Variants in TEK observed in about 807,000 individuals in gnomAD.
TEK encodes the protein TEK receptor tyrosine kinase.
In TEK, 43 loss-of-function variants were observed where a neutral mutation model predicts 131.8. That is an observed-to-expected ratio of 0.33 (90% CI 0.26 to 0.42). The LOEUF (loss-of-function observed/expected upper bound fraction) is 0.42. Ranked by LOEUF, TEK falls within the 10% of genes least tolerant of loss-of-function variation. The pLI, the probability that TEK is intolerant of heterozygous loss-of-function variation, is 1.00. For synonymous variants in TEK, 580 were observed against 491.6 expected (o/e 1.18, Z -2.38); for missense variants, 1,162 against 1,384.4 (o/e 0.84, Z 2.55).
chr9:27,213,433 C>G (rs767747959), intron 17 of TEK, 51 bp from the exon 18 acceptor site: 1 of 1,382,548 alleles, frequency 7.2e-7, no homozygotes. Flanking sequence ...AAGTTTTCAG[C>G]CCTGGGGCTT....
intron 21 of TEK, among the ~76,000 whole-genome samples, chr9:27,220,772 T>G (rs1826032908): frequency 6.6e-6 from 1 of 152,168 alleles, no homozygotes; most frequent in Non-Finnish European, 1.5e-5. Context: ...TTTCCCACAG[T>G]CTTTGCAACC....
At chr9:27,225,810 A>G (rs1826300650) in intron 21 of TEK, among the ~76,000 whole-genome samples, 1 of 152,130 alleles carries the variant, frequency 6.6e-6, no homozygotes, top group Non-Finnish European at 1.5e-5. Flanking sequence ...AACCTACAGA[A>G]TGGGAGAAAA....
At chr9:27,140,407 A>C (rs1163774804) in intron 1 of TEK, among the ~76,000 whole-genome samples, 1 of 151,786 alleles carries the variant, frequency 6.6e-6, no homozygotes, top group Non-Finnish European at 1.5e-5. Flanking sequence ...AAAAAAAAAA[A>C]AAAAAAAGAA....
At chr9:27,170,066 A>T (rs986430754) in intron 4 of TEK, among the ~76,000 whole-genome samples, 1 of 152,178 alleles carries the variant, frequency 6.6e-6, no homozygotes, top group African/African-American at 2.4e-5. Flanking sequence ...GGAAGCAAAC[A>T]CATCCTTCTT....
At chr9:27,218,463 G>A (rs1825913671) in intron 19 of TEK, among the ~76,000 whole-genome samples, 1 of 152,136 alleles carries the variant, frequency 6.6e-6, no homozygotes, top group South Asian at 2.1e-4. Flanking sequence ...TAAGTATTGG[G>A]TGGCAGAGAT....
intron 6 of TEK, among the ~76,000 whole-genome samples, chr9:27,174,840 A>AC (rs571707772): frequency 6.6e-6 from 1 of 152,160 alleles, no homozygotes; most frequent in Admixed American, 6.5e-5. Flanking sequence ...TTTAAAAAAA[A>AC]TTAAAATGTT....
chr9:27,146,179 T>G (rs1822910450), intron 1 of TEK, among the ~76,000 whole-genome samples: 1 of 152,274 alleles, frequency 6.6e-6, no homozygotes, highest in African/African-American at 2.4e-5. Flanking sequence ...GAACTTTATA[T>G]TGTTTACAGT....
At chr9:27,199,041 C>T (rs1270767639) in intron 12 of TEK, among the ~76,000 whole-genome samples, 1 of 152,198 alleles carries the variant, frequency 6.6e-6, no homozygotes, top group Non-Finnish European at 1.5e-5. Flanking sequence ...CTCAAGCAAT[C>T]CTCCCGCCTT....
chr9:27,169,806 G>C (rs1204972507), intron 4 of TEK, among the ~76,000 whole-genome samples, 177 bp downstream of exon 4: 1 of 152,230 alleles, frequency 6.6e-6, no homozygotes, highest in Non-Finnish European at 1.5e-5. Context: ...GCAATCATTA[G>C]AGGAATGACA....
At chr9:27,188,916 G>T (rs952461015) in intron 9 of TEK, among the ~76,000 whole-genome samples, 1 of 152,158 alleles carries the variant, frequency 6.6e-6, no homozygotes, top group African/African-American at 2.4e-5. Context: ...GGTAGAGAAT[G>T]CTGGGGCAGG....
At chr9:27,131,158 A>G (rs1212912644) in intron 1 of TEK, among the ~76,000 whole-genome samples, 1 of 152,102 alleles carries the variant, frequency 6.6e-6, no homozygotes, top group East Asian at 1.9e-4. Context: ...TTTAGAAATA[A>G]ACTTGGCAGT....
chr9:27,192,724 T>TGGGTGGGGGG, intron 11 of TEK, 101 bp downstream of exon 11: 1 of 132,582 alleles, frequency 7.5e-6, no homozygotes, highest in Admixed American at 9.3e-5. Flanking sequence ...GGTGAGTGGG[T>TGGGTGGGGGG]GGGTGGGGAT....
chr9:27,152,941 A>G (rs1823184834), intron 1 of TEK, among the ~76,000 whole-genome samples: 1 of 152,240 alleles, frequency 6.6e-6, no homozygotes, highest in African/African-American at 2.4e-5. Flanking sequence ...GAGTTAAACA[A>G]CATTTTGAGT....
intron 21 of TEK, among the ~76,000 whole-genome samples, chr9:27,221,538 C>T (rs946422373): frequency 6.6e-6 from 1 of 152,192 alleles, no homozygotes; most frequent in African/African-American, 2.4e-5. Context: ...CTCTGGCTGG[C>T]ATCTGGCAGG....
At chr9:27,173,724 TTTTTTTTTTTTGG>T (rs1824053282) in intron 6 of TEK, among the ~76,000 whole-genome samples, 2 of 72,036 alleles carry the variant, frequency 2.8e-5, no homozygotes, top group Admixed American at 1.9e-4. Context: ...AGAAGACTTG[TTTTTTTTTTTTGG>T]TTTTTTTTTT....
chr9:27,173,737 GT>G (rs35971876), intron 6 of TEK, among the ~76,000 whole-genome samples: 1,054 of 93,948 alleles, frequency 0.011, 5 homozygotes, highest in East Asian at 0.066. Flanking sequence ...TTTTTTTTTG[GT>G]TTTTTTTTTT....
At chr9:27,205,108 G>A in intron 14 of TEK, 43 bp downstream of exon 14, 1 of 1,611,968 alleles carries the variant, frequency 6.2e-7, no homozygotes, top group African/African-American at 1.3e-5. Context: ...GCAAGTCCAA[G>A]TACAGGCAGA....
intron 12 of TEK, among the ~76,000 whole-genome samples, chr9:27,201,327 T>C (rs1294228708): frequency 6.6e-6 from 1 of 152,190 alleles, no homozygotes; most frequent in Non-Finnish European, 1.5e-5. Context: ...TAAAAGACAC[T>C]GCTGCTTTTT....
chr9:27,217,891 A>AAATT, intron 19 of TEK, 133 bp downstream of exon 19: 1 of 812,318 alleles, frequency 1.2e-6, no homozygotes, highest in Non-Finnish European at 2.1e-6. Flanking sequence ...CTCAGGAAAT[A>AAATT]AATTAGCAGA....
Sources: allele counts gnomAD v4.1 joint callset (sites outside exome capture counted in the v4.1 genomes callset), GRCh38; gene constraint gnomAD v4.1.1; transcripts MANE v1.5; gene names NCBI Gene and HGNC (gene_info 2026-07-23, HGNC 2026-07-21).